The following RIOK3 variants were observed in gnomAD, a reference collection of about 807,000 sequenced individuals.
The protein encoded by RIOK3 is serine/threonine-protein kinase RIO3.
Under a neutral mutation model 63.5 loss-of-function variants are expected in RIOK3, and 40 were observed. That is an observed-to-expected ratio of 0.63 (90% CI 0.49 to 0.82). The LOEUF (loss-of-function observed/expected upper bound fraction) is 0.82. Ranked by LOEUF, RIOK3 falls within the 40% of genes least tolerant of loss-of-function variation. The probability of loss-of-function intolerance (pLI) is 0.00; values close to 1 mark genes in which losing one functional copy is unlikely to be tolerated. For missense variants in RIOK3, 557 were observed against 637.0 expected, an observed-to-expected ratio of 0.87 and a Z score of 1.35; for synonymous variants, 193 against 205.0, an observed-to-expected ratio of 0.94 and a Z score of 0.50.
At chr18:23,460,149 C>T (rs2057365130) in intron 1 of RIOK3, among the ~76,000 whole-genome samples, 1 of 152,160 alleles carries the variant, frequency 6.6e-6, no homozygotes, top group Admixed American at 6.5e-5. Context: ...ACTCTGTCAC[C>T]CAGGCTGGAG....
At chr18:23,469,407 CTCTCCT>C in intron 7 of RIOK3, among the ~76,000 whole-genome samples, 1 of 87,400 alleles carries the variant, frequency 1.1e-5, no homozygotes, top group African/African-American at 4.6e-5. Context: ...TCTCTCCCCT[CTCTCCT>C]CTCTCTCTCT....
At chr18:23,456,437 C>T (rs764739292) in intron 1 of RIOK3, 5 of 151,870 alleles carry the variant, frequency 3.3e-5, no homozygotes, top group African/African-American at 4.8e-5. Flanking sequence ...TGATATACAA[C>T]CTCCCCGCTG....
intron 5 of RIOK3, 32 bp downstream of exon 5, chr18:23,464,660 T>G (rs764133543): frequency 2.2e-6 from 3 of 1,339,514 alleles, no homozygotes; most frequent in Non-Finnish European, 3.1e-6. Flanking sequence ...TCTCTGAATT[T>G]AGAGTTTTGT....
rs776939665 is a variant in RIOK3 at position 23,466,211 on chromosome 18, CAACA to C, written c.623_626del (p.Gln208LeufsTer111). ...AAACCATGTTTTCAATGCTTTAAAA[CAACA>C]TGCCTACTCAGAAGAACGTCGAAGT... On this transcript the variant is annotated frameshift_variant, in exon 6 of 13. Transcript: ENST00000339486. LOFTEE classifies it high-confidence loss of function. 16 of 1,612,306 alleles carry C rather than the reference CAACA, an allele frequency of 9.9e-6. No individual in the cohort carries two copies. The highest frequency in any genetic ancestry group is 1.3e-5 in the Non-Finnish European group (15 of 1,179,158).
rs2057531843 is a variant in RIOK3 at position 23,481,200 on chromosome 18, A to T, written c.1481A>T (p.Asp494Val). The T allele has an allele frequency of 3.1e-6, 5 of 1,612,128 alleles. No homozygotes were observed. The Admixed American group carries it at 8.4e-5, about 27-fold the overall frequency. ...EIEALEKMNE[D>V]HVQKNGRKAA... ...GAAGCTTTGGAGAAAATGAATGAAG[A>T]TCACGTTCAGAAGAATGGAAGGAAA... is the stretch of plus-strand genomic sequence containing the variant. Residue 494 changes from aspartate to valine, a missense_variant, in exon 13 of 13, where the codon GAT (aspartate) becomes GTT (valine). Asp to Val is a radical substitution (Grantham distance 152). Coordinates refer to ENST00000339486, the MANE Select transcript of RIOK3 (RefSeq NM_003831.5).
chr18:23,476,279 G>C (rs1187981287), intron 9 of RIOK3, among the ~76,000 whole-genome samples: 1 of 152,178 alleles, frequency 6.6e-6, no homozygotes, highest in African/African-American at 2.4e-5. Context: ...TTGAGACAAT[G>C]CTCCTAATAC....
At chr18:23,470,223 G>A (rs193196569) in intron 7 of RIOK3, among the ~76,000 whole-genome samples, 4 of 152,112 alleles carry the variant, frequency 2.6e-5, no homozygotes, top group South Asian at 2.1e-4. Context: ...AAAGTTAGCC[G>A]GGCATGGTGG....
At chr18:23,458,253 A>G (rs978265890) in intron 1 of RIOK3, among the ~76,000 whole-genome samples, 1 of 151,858 alleles carries the variant, frequency 6.6e-6, no homozygotes, top group African/African-American at 2.4e-5. Context: ...TCTGCAGGAA[A>G]CCTTTAAAAA....
At chr18:23,466,421 T>C (rs2057408375) in intron 6 of RIOK3, 145 bp downstream of exon 6, 2 of 669,590 alleles carry the variant, frequency 3.0e-6, no homozygotes, top group Non-Finnish European at 4.8e-6. Flanking sequence ...ATCCAGCCAC[T>C]GTGGTGCCCG....
rs781600267 is a variant in RIOK3 at position 23,477,217 on chromosome 18, C to G, written c.1293C>G (p.Thr431=). ...LIDVSQSVEP[T]HPHGLEFLFR... ...ATGTCAGTCAGTCAGTAGAACCTAC[C>G]CACCCTCACGGCCTGGAGTTCTTGT... is the stretch of plus-strand genomic sequence containing the variant. Residue 431 remains threonine, a synonymous_variant, in exon 11 of 13, where the codon ACC becomes ACG. Coordinates refer to ENST00000339486, the MANE Select transcript of RIOK3 (RefSeq NM_003831.5). The G allele has an allele frequency of 1.9e-6, 3 of 1,614,028 alleles. No individual in the cohort carries two copies. The Admixed American group carries it at 5.0e-5, about 27-fold the overall frequency.
chr18:23,474,966 T>A lies in RIOK3; in HGVS notation c.1032T>A (p.Ile344=), dbSNP rs772515960. The A allele has an allele frequency of 1.9e-6, 3 of 1,610,864 alleles. No individual in the cohort carries two copies. The African/African-American group carries it at 4.0e-5, about 22-fold the overall frequency. ...TGTATAGAATGCAGAGAGCTGGAAT[T>A]CCTTGTCCAACAGTTGTACTACTGA... The part of the protein sequence containing the change: ...HNLARMQRAG[I]PCPTVVLLKK... The change falls in exon 9 of 13, where the codon ATT becomes ATA. Residue 344 remains isoleucine, a synonymous_variant. Coordinates refer to ENST00000339486, the MANE Select transcript of RIOK3 (RefSeq NM_003831.5).
intron 7 of RIOK3, 76 bp downstream of exon 7, chr18:23,467,602 T>G (rs2057418445): frequency 1.4e-5 from 19 of 1,381,958 alleles, no homozygotes; most frequent in Non-Finnish European, 1.9e-5. Context: ...TTACACAGAA[T>G]CAAAGATAAT....
chr18:23,468,553 T>C (rs936675704), intron 7 of RIOK3, among the ~76,000 whole-genome samples: 1 of 152,142 alleles, frequency 6.6e-6, no homozygotes, highest in South Asian at 2.1e-4. Context: ...TCCACCCATC[T>C]TGGCCTCCCA....
chr18:23,461,000 TG>T (rs1283173778), intron 1 of RIOK3, among the ~76,000 whole-genome samples: 4 of 152,216 alleles, frequency 2.6e-5, no homozygotes, highest in Non-Finnish European at 4.4e-5. Context: ...AGGTACCAGG[TG>T]TATTTCCTCA....
In RIOK3 at chr18:23,464,587, G is replaced by A. The variant is rs183225282; in HGVS notation, c.502G>A (p.Glu168Lys). 3 of 1,607,096 alleles carry A rather than the reference G, an allele frequency of 1.9e-6. No individual in the cohort carries two copies. The change falls in exon 5 of 13, where the codon GAA (glutamate) becomes AAA (lysine). Residue 168 changes from glutamate to lysine, a missense_variant. Glu to Lys is a moderately conservative substitution (Grantham distance 56, BLOSUM62 1). Transcript: ENST00000339486. ...KGKDITTKHD[E>K]VVCGRKNTAR... The stretch of plus-strand genomic sequence containing the variant: ...AAAAGATATCACCACCAAACATGAT[G>A]AAGTAGTATGTGGGAGAAAGAACAC...
In RIOK3 at chr18:23,474,838, G is replaced by A; in HGVS notation, c.1014-110G>A. 3 of 770,416 alleles carry A rather than the reference G, an allele frequency of 3.9e-6. No individual in the cohort carries two copies. In the East Asian group the frequency reaches 7.8e-5, roughly 20 times the overall value. 47.7% of individuals were successfully genotyped at this position (770,416 alleles called of 1,614,324 possible). A position where few individuals can be genotyped will look rare whatever the true frequency, so the allele number is the denominator to read the frequency against. On this transcript the variant is annotated intron_variant, in intron 8 of 12. Coordinates refer to ENST00000339486, the MANE Select transcript of RIOK3 (RefSeq NM_003831.5). The stretch of plus-strand genomic sequence containing the variant: ...GTCTTTGTATTCCCACATCACCAGG[G>A]TAGAACATAGTGCCAGCTCATTGCA...
At chr18:23,459,884 G>T (rs1262266790) in intron 1 of RIOK3, among the ~76,000 whole-genome samples, 1 of 152,112 alleles carries the variant, frequency 6.6e-6, no homozygotes, top group Non-Finnish European at 1.5e-5. Context: ...AGTAGAGATG[G>T]GGTTTCTCCA....
At chr18:23,466,689 TAAAAAAAAA>T (rs33997769) in intron 6 of RIOK3, among the ~76,000 whole-genome samples, 1 of 102,898 alleles carries the variant, frequency 9.7e-6, no homozygotes, top group Non-Finnish European at 1.9e-5. Context: ...GACCCTGCCT[TAAAAAAAAA>T]AAAAAAAAAA....
At chr18:23,456,220 C>T (rs575157456) in intron 1 of RIOK3, among the ~76,000 whole-genome samples, 2 of 151,640 alleles carry the variant, frequency 1.3e-5, no homozygotes, top group African/African-American at 2.4e-5. Flanking sequence ...GGATTACAGG[C>T]GTGAGCCACC....
Sources: gnomAD v4.1 joint callset for allele counts (sites outside exome capture counted in the v4.1 genomes callset) on GRCh38, gnomAD v4.1.1 for gene constraint, MANE v1.5 for transcripts, NCBI Gene and HGNC (gene_info 2026-07-23, HGNC 2026-07-21) for gene names.